ASCC1: variants seen among roughly 807,000 people sequenced by gnomAD.
ASCC1 encodes activating signal cointegrator 1 complex subunit 1, also known as ASC-1 complex subunit P50.
Under a neutral mutation model 46.6 loss-of-function variants are expected in ASCC1, and 35 were observed. That is an observed-to-expected ratio of 0.75 (90% CI 0.57 to 0.99). ASCC1 has a LOEUF of 0.99. Among genes scored for constraint, ASCC1 ranks in the 50% least tolerant of loss-of-function variants. The pLI is 0.00. For synonymous variants in ASCC1, 143 were observed against 146.6 expected (o/e 0.98, Z 0.18); for missense variants, 376 against 428.7 (o/e 0.88, Z 1.09).
intron 5 of ASCC1, among the ~76,000 whole-genome samples, chr10:72,176,208 T>A (rs1184683050): frequency 6.6e-6 from 1 of 152,224 alleles, no homozygotes; most frequent in Non-Finnish European, 1.5e-5. Flanking sequence ...CAATAGACAG[T>A]ATCGATAGCC....
In ASCC1 at chr10:72,210,970, A is replaced by T. The variant is rs188688729; in HGVS notation, c.113-139T>A. The T allele has an allele frequency of 2.8e-4, 205 of 739,032 alleles. No individual in the cohort carries two copies. In the African/African-American group the frequency reaches 3.0e-3, roughly 11 times the overall value. 45.8% of individuals were successfully genotyped at this position (739,032 alleles called of 1,614,324 possible). On this transcript the variant is annotated intron_variant, in intron 2 of 9. Transcript: ENST00000672957. ...AGAACAGCCGGACACTGTACATTCCATGACACTGCTCTGATACTCCTTCTG... is the reference window on the plus strand; with the variant it reads ...AGAACAGCCGGACACTGTACATTCCTTGACACTGCTCTGATACTCCTTCTG...
At chr10:72,182,966 T>C (rs1013792984) in intron 5 of ASCC1, among the ~76,000 whole-genome samples, 5 of 151,608 alleles carry the variant, frequency 3.3e-5, no homozygotes, top group Non-Finnish European at 7.4e-5. Context: ...CCTTATACTA[T>C]CTTTATACAA....
chr10:72,153,562 A>T (rs1323869074), intron 6 of ASCC1, among the ~76,000 whole-genome samples: 1 of 151,908 alleles, frequency 6.6e-6, no homozygotes, highest in Non-Finnish European at 1.5e-5. Context: ...AGTAGCTGGG[A>T]CTACAGGCGC....
intron 3 of ASCC1, among the ~76,000 whole-genome samples, chr10:72,205,044 T>G (rs192885401): frequency 3.9e-5 from 6 of 152,352 alleles, no homozygotes; most frequent in African/African-American, 1.4e-4. Context: ...TAAGCCTACT[T>G]CTTCACTTAT....
intron 5 of ASCC1, among the ~76,000 whole-genome samples, chr10:72,170,232 G>A (rs895097124): frequency 6.6e-6 from 1 of 152,044 alleles, no homozygotes; most frequent in African/African-American, 2.4e-5. Context: ...CTTCTAGACT[G>A]CTTATCGGTT....
intron 8 of ASCC1, among the ~76,000 whole-genome samples, chr10:72,130,894 A>G (rs186761507): frequency 6.6e-6 from 1 of 152,184 alleles, no homozygotes; most frequent in Non-Finnish European, 1.5e-5. Context: ...TTCTGAAACA[A>G]TAAATTTAGA....
chr10:72,190,069 C>T (rs1854181494), intron 5 of ASCC1: 1 of 758,672 alleles, frequency 1.3e-6, no homozygotes, highest in Non-Finnish European at 2.4e-6. Context: ...CCCACCCCAC[C>T]CAGCCTGATA....
intron 9 of ASCC1, among the ~76,000 whole-genome samples, chr10:72,109,311 T>C (rs1243512457): frequency 6.6e-6 from 1 of 152,168 alleles, no homozygotes; most frequent in African/African-American, 2.4e-5. Context: ...ACTCCTGTTT[T>C]TGTCTCCATT....
At chr10:72,139,048 G>C (rs1846629910) in intron 7 of ASCC1, among the ~76,000 whole-genome samples, 1 of 151,866 alleles carries the variant, frequency 6.6e-6, no homozygotes, top group African/African-American at 2.4e-5. Flanking sequence ...GAGAGCTTAA[G>C]GGTACTTGGA....
At chr10:72,103,014 T>C (rs1295535547) in intron 9 of ASCC1, 21 of 441,738 alleles carry the variant, frequency 4.8e-5, no homozygotes, top group South Asian at 3.4e-4. Context: ...ACTAGAAATA[T>C]GTAGGTATTG....
In ASCC1 at chr10:72,097,465, TA is replaced by T. The variant is rs1299685472; in HGVS notation, c.958-16del. 6.8e-7 allele frequency: 1 copy of T among 1,470,580 alleles called. No individual in the cohort carries two copies. The highest frequency in any genetic ancestry group is 9.5e-7 in the Non-Finnish European group (1 of 1,050,038). The allele number at this position is 1,470,580 out of a possible 1,614,324, so 91.1% of individuals were successfully genotyped here. On this transcript the variant is annotated splice_polypyrimidine_tract_variant and intron_variant, in intron 9 of 9. Coordinates refer to ENST00000672957, the MANE Select transcript of ASCC1 (RefSeq NM_001198800.3). ...TTCTCAAACAACTGAAAAGGAAGAA[TA>T]AAAACCCAGAATGAATATTTAAAGT...
At chr10:72,128,622 G>C (rs1845177017) in intron 8 of ASCC1, among the ~76,000 whole-genome samples, 1 of 152,150 alleles carries the variant, frequency 6.6e-6, no homozygotes, top group Non-Finnish European at 1.5e-5. Flanking sequence ...CTCATGCTCT[G>C]GGTTGATTTA....
intron 9 of ASCC1, among the ~76,000 whole-genome samples, chr10:72,127,237 C>T (rs1844971061): frequency 1.3e-5 from 2 of 152,310 alleles, no homozygotes; most frequent in South Asian, 4.1e-4. Flanking sequence ...GAAATGAAAA[C>T]CTCTCCATTA....
chr10:72,105,353 G>C (rs1842229576), intron 9 of ASCC1, among the ~76,000 whole-genome samples: 1 of 152,178 alleles, frequency 6.6e-6, no homozygotes, highest in Admixed American at 6.5e-5. Context: ...CACAGAGCCT[G>C]CTTCTGCCAG....
At chr10:72,185,475 A>G (rs1853316726) in intron 5 of ASCC1, among the ~76,000 whole-genome samples, 1 of 152,210 alleles carries the variant, frequency 6.6e-6, no homozygotes, top group East Asian at 1.9e-4. Flanking sequence ...ACTCAACAAT[A>G]AAAAGCAGCA....
In ASCC1 at chr10:72,196,907, C is replaced by A. The variant is rs755656113; in HGVS notation, c.393G>T (p.Gln131His). The A allele has an allele frequency of 9.9e-6, 16 of 1,613,630 alleles. No individual in the cohort carries two copies. The Admixed American group carries it at 2.7e-4, about 27-fold the overall frequency. Residue 131 changes from glutamine (Q) to histidine (H), a missense_variant, in exon 5 of 10, where the codon CAG becomes CAT. Transcript: ENST00000672957. ...DVLLDTFRRK[Q>H]PFTHFLAFFL... Reference sequence around the variant, plus strand: ...AAAAGGCAAGGAAGTGAGTGAAGGGCTGCTTTCTTCGAAAAGTGTCCAAAA... The same window carrying A: ...AAAAGGCAAGGAAGTGAGTGAAGGGATGCTTTCTTCGAAAAGTGTCCAAAA...
intron 9 of ASCC1, among the ~76,000 whole-genome samples, chr10:72,118,061 C>G (rs1379311692): frequency 1.3e-5 from 2 of 152,088 alleles, no homozygotes; most frequent in Non-Finnish European, 2.9e-5. Context: ...TAAAGAAGAG[C>G]CAAGTGACTA....
Position 72,203,407 on chromosome 10 carries a change from T to G in ASCC1, c.310+20A>C, listed in dbSNP as rs1374550865. 6.4e-7 allele frequency: 1 copy of G among 1,562,174 alleles called. No homozygotes were observed. On this transcript the variant is annotated intron_variant, in intron 4 of 9. Transcript: ENST00000672957. ...ATGCAAAAGTGACTTCAAATGTAAC[T>G]TATATCTACTGAGTCTCACCAATTT...
At chr10:72,203,297 A>G (rs1433315958) in intron 4 of ASCC1, 130 bp downstream of exon 4, 16 of 794,792 alleles carry the variant, frequency 2.0e-5, no homozygotes, top group South Asian at 4.5e-5. Context: ...AAAAAAAAAA[A>G]AAAAGAAAAG....
Sources: gnomAD v4.1 joint callset for allele counts (sites outside exome capture counted in the v4.1 genomes callset) on GRCh38, gnomAD v4.1.1 for gene constraint, MANE v1.5 for transcripts, NCBI Gene and HGNC (gene_info 2026-07-23, HGNC 2026-07-21) for gene names.